Variants in GALNT13 observed in about 807,000 individuals in gnomAD.
The protein encoded by GALNT13 is UDP-GalNAc:polypeptide N-acetylgalactosaminyltransferase 13.
Under a neutral mutation model 64.2 loss-of-function variants are expected in GALNT13, and 28 were observed. That is an observed-to-expected ratio of 0.44 (90% CI 0.32 to 0.60). The LOEUF is 0.60. Ranked by LOEUF, GALNT13 falls within the 20% of genes least tolerant of loss-of-function variation. GALNT13 has a pLI of 0.05. For synonymous variants in GALNT13, 214 were observed against 224.6 expected (o/e 0.95, Z 0.42); for missense variants, 577 against 669.8 (o/e 0.86, Z 1.53).
At chr2:153,402,993 G>C in the GALNT13 span, among the ~76,000 whole-genome samples, 1 of 151,818 alleles carries the variant, frequency 6.6e-6, no homozygotes, top group African/African-American at 2.4e-5. Context: ...CTTTGGAGGA[G>C]GAGAGGCACT....
intron 2 of GALNT13, among the ~76,000 whole-genome samples, chr2:153,917,787 C>T (rs142379636): frequency 9.2e-5 from 14 of 152,168 alleles, no homozygotes; most frequent in Non-Finnish European, 5.9e-5. Context: ...ATTGAGCAGC[C>T]TTGGAGTCAA....
At chr2:153,251,456 G>A in the GALNT13 span, among the ~76,000 whole-genome samples, 1 of 151,782 alleles carries the variant, frequency 6.6e-6, no homozygotes, top group African/African-American at 2.4e-5. Context: ...ACTCTAACAG[G>A]TACTCTTTTT....
rs374064455 is a variant in GALNT13, at chr2:154,383,913, CAGAG to C, written c.1157-12066_1157-12063del. On this transcript the variant is annotated intron_variant, in intron 9 of 12. Transcript: ENST00000392825. ...CTAAAACATACATATATATGTGTGTCAGAGAGAGAGAGAGAATAAGACAGAAGAG... is the reference window on the plus strand; with the variant it reads ...CTAAAACATACATATATATGTGTGTCAGAGAGAGAGAATAAGACAGAAGAG... 3.9e-4 allele frequency among the ~76,000 whole-genome samples: 58 copies of C among 150,054 alleles called. 1 individual carries two copies. Among genetic ancestry groups the C allele is most frequent in the African/African-American group, 1.2e-3 (49 of 41,160 alleles).
chr2:153,574,124 G>A, the GALNT13 span, among the ~76,000 whole-genome samples: 1 of 89,192 alleles, frequency 1.1e-5, no homozygotes, highest in African/African-American at 4.2e-5. Context: ...ATATTGTAAG[G>A]TAAAGTTTTT....
intron 9 of GALNT13, among the ~76,000 whole-genome samples, chr2:154,344,068 AAT>A (rs1217609931): frequency 2.0e-5 from 3 of 151,962 alleles, no homozygotes; most frequent in Non-Finnish European, 2.9e-5. Context: ...TACTTGATAG[AAT>A]ATGTTTCTAA....
chr2:153,744,007 T>C, the GALNT13 span, among the ~76,000 whole-genome samples: 1 of 152,192 alleles, frequency 6.6e-6, no homozygotes, highest in African/African-American at 2.4e-5. Context: ...CAGGATTGTA[T>C]TCATTTTTAT....
intron 10 of GALNT13, among the ~76,000 whole-genome samples, chr2:154,405,453 T>G (rs1161258966): frequency 6.6e-6 from 1 of 151,808 alleles, no homozygotes; most frequent in Non-Finnish European, 1.5e-5. Context: ...AAAATGAACA[T>G]TAATAACTAT....
chr2:153,141,804 GC>G, the GALNT13 span, among the ~76,000 whole-genome samples: 1 of 151,978 alleles, frequency 6.6e-6, no homozygotes, highest in East Asian at 1.9e-4. Flanking sequence ...CAATTTTTAA[GC>G]CTATTTTCTC....
intron 1 of GALNT13, among the ~76,000 whole-genome samples, chr2:153,883,188 AAATT>A (rs1221865688): frequency 2.0e-5 from 3 of 151,010 alleles, no homozygotes; most frequent in African/African-American, 7.3e-5. Flanking sequence ...AAACTCTTGG[AAATT>A]GAATATTTTC....
the GALNT13 span, among the ~76,000 whole-genome samples, chr2:153,784,658 A>C: frequency 1.3e-5 from 2 of 152,152 alleles, no homozygotes; most frequent in Non-Finnish European, 2.9e-5. Flanking sequence ...AGAGGCTGCA[A>C]CTCTGGCAAA....
upstream of GALNT13, among the ~76,000 whole-genome samples, chr2:153,868,479 A>G (rs1685801139): frequency 6.6e-6 from 1 of 152,208 alleles, no homozygotes; most frequent in South Asian, 2.1e-4. Flanking sequence ...GTGTCCCTTA[A>G]TAATGGCATC....
the GALNT13 span, among the ~76,000 whole-genome samples, chr2:153,509,918 G>C: frequency 1.4e-4 from 21 of 152,106 alleles, 1 homozygote; most frequent in African/African-American, 5.1e-4. Flanking sequence ...GCCTAAATTT[G>C]TTTTCAGTGA....
At chr2:153,159,853 TA>T in the GALNT13 span, among the ~76,000 whole-genome samples, 1 of 152,234 alleles carries the variant, frequency 6.6e-6, no homozygotes, top group South Asian at 2.1e-4. Flanking sequence ...TTACCTTGCC[TA>T]AACATGAAAA....
At chr2:153,791,730 A>G in the GALNT13 span, among the ~76,000 whole-genome samples, 13,054 of 152,216 alleles carry the variant, frequency 0.086, 609 homozygotes, top group Middle Eastern at 0.13. Flanking sequence ...ACACCATGGA[A>G]TACTATGCAG....
chr2:153,767,529 G>A, the GALNT13 span, among the ~76,000 whole-genome samples: 3 of 152,084 alleles, frequency 2.0e-5, no homozygotes, highest in Non-Finnish European at 1.5e-5. Flanking sequence ...TCCCTGTACT[G>A]TTTTCCATAG....
At chr2:153,811,659 C>G in the GALNT13 span, among the ~76,000 whole-genome samples, 1 of 152,172 alleles carries the variant, frequency 6.6e-6, no homozygotes, top group East Asian at 1.9e-4. Flanking sequence ...AAATTGCAAG[C>G]CAAAGCCTAC....
chr2:153,645,716 G>A, the GALNT13 span, among the ~76,000 whole-genome samples: 2 of 152,024 alleles, frequency 1.3e-5, no homozygotes, highest in Non-Finnish European at 2.9e-5. Flanking sequence ...TTTTTATGTG[G>A]GAGAAATGCT....
chr2:154,331,772 T>C (rs1695180816), intron 9 of GALNT13, among the ~76,000 whole-genome samples: 1 of 152,106 alleles, frequency 6.6e-6, no homozygotes, highest in African/African-American at 2.4e-5. Context: ...GAGTACTAAT[T>C]TTAAATGACT....
chr2:154,298,060 T>C (rs967446299), intron 8 of GALNT13, among the ~76,000 whole-genome samples: 2 of 152,024 alleles, frequency 1.3e-5, no homozygotes, highest in Admixed American at 6.6e-5. Context: ...TTTGAGATTG[T>C]TGGCATGCAG....
Sources: gnomAD v4.1 joint callset for allele counts (sites outside exome capture counted in the v4.1 genomes callset) on GRCh38, gnomAD v4.1.1 for gene constraint, MANE v1.5 for transcripts, NCBI Gene and HGNC (gene_info 2026-07-23, HGNC 2026-07-21) for gene names.